BANK1: variants seen among roughly 807,000 people sequenced by gnomAD.
BANK1 encodes B cell scaffold protein with ankyrin repeats 1.
In BANK1, 95 loss-of-function variants were observed where a neutral mutation model predicts 94.5. That is an observed-to-expected ratio of 1.00 (90% CI 0.85 to 1.19). The LOEUF is 1.19. BANK1 is among the 50% of genes most tolerant of loss of function. BANK1 has a pLI of 0.00. For missense variants in BANK1, 987 were observed against 932.2 expected (o/e 1.06, Z -0.77); for synonymous variants, 334 against 308.4 (o/e 1.08, Z -0.87).
At chr4:101,846,479 A>C (rs1328015611) in intron 2 of BANK1, among the ~76,000 whole-genome samples, 2 of 152,192 alleles carry the variant, frequency 1.3e-5, no homozygotes, top group Non-Finnish European at 2.9e-5. Context: ...TATAAAGAAC[A>C]CTCAAGACTG....
intron 6 of BANK1, among the ~76,000 whole-genome samples, chr4:101,907,455 A>G (rs1430596864): frequency 2.0e-5 from 3 of 152,236 alleles, no homozygotes; most frequent in Admixed American, 2.0e-4. Context: ...ATCATACTGA[A>G]TGGGGAAAAA....
intron 5 of BANK1, among the ~76,000 whole-genome samples, chr4:101,891,511 A>G (rs1206454104): frequency 1.3e-5 from 2 of 152,028 alleles, no homozygotes; most frequent in Non-Finnish European, 2.9e-5. Flanking sequence ...TGCTCCGTCT[A>G]TAGGTTTATG....
intron 7 of BANK1, among the ~76,000 whole-genome samples, chr4:101,979,521 A>G (rs1725254939): frequency 6.6e-6 from 1 of 151,900 alleles, no homozygotes. Context: ...TTGTTTTCAG[A>G]AAGACATATA....
chr4:101,830,299 T>C (rs966468189), intron 2 of BANK1, 93 bp downstream of exon 2: 2 of 1,058,010 alleles, frequency 1.9e-6, no homozygotes, highest in Non-Finnish European at 1.3e-6. Context: ...CAATAACTGG[T>C]GTCAGGATAG....
At chr4:101,941,803 A>C (rs1723752592) in intron 7 of BANK1, among the ~76,000 whole-genome samples, 1 of 151,786 alleles carries the variant, frequency 6.6e-6, no homozygotes, top group Admixed American at 6.6e-5. Context: ...ATTGTATTCC[A>C]TATTTTTCAT....
chr4:101,892,288 A>G (rs993834361), intron 5 of BANK1, among the ~76,000 whole-genome samples: 1 of 151,312 alleles, frequency 6.6e-6, no homozygotes, highest in South Asian at 2.1e-4. Flanking sequence ...ACACTTTCAG[A>G]TTCAAATAGA....
chr4:101,954,903 C>CG (rs1724285475), intron 7 of BANK1, among the ~76,000 whole-genome samples: 1 of 151,952 alleles, frequency 6.6e-6, no homozygotes, highest in African/African-American at 2.4e-5. Context: ...AATTTTTGTT[C>CG]GTTTTTCTCA....
chr4:101,797,448 T>C (rs984666418), intron 1 of BANK1, among the ~76,000 whole-genome samples: 1 of 152,146 alleles, frequency 6.6e-6, no homozygotes, highest in African/African-American at 2.4e-5. Flanking sequence ...TGTTAGAAGA[T>C]CACATGAGCT....
intron 6 of BANK1, among the ~76,000 whole-genome samples, chr4:101,905,789 A>G (rs1722428469): frequency 6.6e-6 from 1 of 152,102 alleles, no homozygotes; most frequent in Non-Finnish European, 1.5e-5. Flanking sequence ...CAGTATTAGC[A>G]TTGTCAAAAG....
At chr4:101,922,688 A>G (rs1329151103) in intron 7 of BANK1, among the ~76,000 whole-genome samples, 2 of 151,872 alleles carry the variant, frequency 1.3e-5, no homozygotes, top group African/African-American at 2.4e-5. Context: ...TCTTCAGCAT[A>G]TATTTTAATA....
chr4:102,073,412 G>C (rs1728820118), intron 15 of BANK1, among the ~76,000 whole-genome samples: 1 of 151,992 alleles, frequency 6.6e-6, no homozygotes, highest in Admixed American at 6.6e-5. Context: ...TTGGAGAGGA[G>C]ATTTTGAATA....
intron 7 of BANK1, among the ~76,000 whole-genome samples, chr4:101,925,792 C>T (rs1307496167): frequency 6.6e-6 from 1 of 151,606 alleles, no homozygotes; most frequent in African/African-American, 2.4e-5. Context: ...TTTTTTCTGG[C>T]TTCTTTCAAA....
Position 101,918,041 on chromosome 4 carries a change from T to G in BANK1, c.1058T>G (p.Phe353Cys). 6.2e-7 allele frequency: 1 copy of G among 1,611,592 alleles called. No individual in the cohort carries two copies. Among genetic ancestry groups the G allele is most frequent in the Middle Eastern group, 1.7e-4 (1 of 6,044 alleles). ...ACTCTTCTCCACTGTGCAGCAAAATTTGGCTTAAAGAACCTGGCTATTCAT... is the reference window on the plus strand; with the variant it reads ...ACTCTTCTCCACTGTGCAGCAAAATGTGGCTTAAAGAACCTGGCTATTCAT... Reference protein sequence around the residue: ...LPTLLHCAAKFGLKNLAIHLL... With the variant: ...LPTLLHCAAKCGLKNLAIHLL... The change falls in exon 7 of 17, where the codon TTT becomes TGT. Residue 353 changes from phenylalanine to cysteine, a missense_variant. Transcript: ENST00000322953.
At chr4:101,962,812 C>A (rs936986757) in intron 7 of BANK1, among the ~76,000 whole-genome samples, 11 of 152,044 alleles carry the variant, frequency 7.2e-5, no homozygotes, top group Admixed American at 7.2e-4. Flanking sequence ...TATGGCACTT[C>A]CTTTAATCTC....
intron 7 of BANK1, among the ~76,000 whole-genome samples, chr4:101,940,215 A>G (rs1029917109): frequency 3.3e-5 from 5 of 151,274 alleles, no homozygotes; most frequent in East Asian, 2.0e-4. Flanking sequence ...AAATATTGCA[A>G]TGGTAGGGAC....
intron 7 of BANK1, among the ~76,000 whole-genome samples, chr4:102,019,941 T>C (rs1726836741): frequency 6.6e-6 from 1 of 152,162 alleles, no homozygotes. Context: ...TGAGACATTA[T>C]TGGGTTCAGG....
intron 7 of BANK1, among the ~76,000 whole-genome samples, chr4:101,994,909 C>T (rs1725826230): frequency 6.6e-6 from 1 of 152,016 alleles, no homozygotes; most frequent in South Asian, 2.1e-4. Flanking sequence ...TTTATCCCAA[C>T]TTTTGAATTC....
intron 7 of BANK1, among the ~76,000 whole-genome samples, chr4:101,955,680 A>C (rs544207558): frequency 3.9e-5 from 6 of 152,310 alleles, no homozygotes; most frequent in African/African-American, 1.4e-4. Flanking sequence ...AAAATTATTG[A>C]TATAAGATCA....
intron 7 of BANK1, among the ~76,000 whole-genome samples, chr4:101,986,791 A>ATATATATGTGTATATATATGTG (rs1725494786): frequency 1.0e-5 from 1 of 96,986 alleles, no homozygotes. Flanking sequence ...ATATGTGTGT[A>ATATATATGTGTATATATATGTG]TATATATGTG....
Sources: gnomAD v4.1 joint callset for allele counts (sites outside exome capture counted in the v4.1 genomes callset) on GRCh38, gnomAD v4.1.1 for gene constraint, MANE v1.5 for transcripts, NCBI Gene and HGNC (gene_info 2026-07-23, HGNC 2026-07-21) for gene names.